Variants in PPP6R3 observed in about 807,000 individuals in gnomAD.
PPP6R3 encodes protein phosphatase 6 regulatory subunit 3.
In PPP6R3, 38 loss-of-function variants were observed where a neutral mutation model predicts 110.7. The observed-to-expected ratio is 0.34, with a 90% CI of 0.26 to 0.45. The LOEUF (loss-of-function observed/expected upper bound fraction) is 0.45, where lower values mean the gene tolerates loss of function less well. Among genes scored for constraint, PPP6R3 ranks in the 20% least tolerant of loss-of-function variants. PPP6R3 has a pLI of 1.00. For missense variants in PPP6R3, 870 were observed against 1,062.4 expected (o/e 0.82, Z 2.52); for synonymous variants, 369 against 373.5 (o/e 0.99, Z 0.14).
intron 3 of PPP6R3, among the ~76,000 whole-genome samples, chr11:68,541,785 G>A (rs1476716704): frequency 6.6e-6 from 1 of 152,058 alleles, no homozygotes; most frequent in South Asian, 2.1e-4. Context: ...GAGAACCTGG[G>A]GGCTGCTACC....
chr11:68,560,894 CTTTTTTTT>C (rs11295490), intron 8 of PPP6R3, among the ~76,000 whole-genome samples: 2 of 117,898 alleles, frequency 1.7e-5, no homozygotes, highest in South Asian at 5.8e-4. Flanking sequence ...TTCCTTATAC[CTTTTTTTT>C]TTTTTTTTTT....
Position 68,591,553 on chromosome 11 carries a change from T to A in PPP6R3, c.1786-23T>A, listed in dbSNP as rs375552120. 1.4e-5 allele frequency: 22 copies of A among 1,564,444 alleles called. No homozygotes were observed. The African/African-American group carries it at 1.6e-4, about 12-fold the overall frequency. ...TTGACTTTAAATTTATTTTGTTGTT[T>A]TTTTCCTCTCATTTTTATTTAGGGA... On this transcript the variant is annotated intron_variant, in intron 17 of 23. Transcript: ENST00000393800.
chr11:68,610,663 GC>G (rs1942943212), intron 23 of PPP6R3, among the ~76,000 whole-genome samples: 1 of 152,182 alleles, frequency 6.6e-6, no homozygotes, highest in African/African-American at 2.4e-5. Flanking sequence ...CGGAGCCCAT[GC>G]CAGGCCCTTA....
In PPP6R3 at chr11:68,552,548, G is replaced by A. The variant is rs190960786; in HGVS notation, c.618+1362G>A. Among the ~76,000 whole-genome samples the A allele has an allele frequency of 8.1e-3, 1,230 of 152,294 alleles. 16 individuals carry two copies. Among genetic ancestry groups the A allele is most frequent in the African/African-American group, 0.028 (1,167 of 41,548 alleles). ...ACACATCCAGTGCAGACATGGATTG[G>A]GAATGTGGGAGCCCCTGCTTAGAAG... On this transcript the variant is annotated intron_variant, in intron 6 of 23. Transcript: ENST00000393800.
intron 1 of PPP6R3, among the ~76,000 whole-genome samples, chr11:68,477,741 A>AAAATATATATATATATATATAT: frequency 5.2e-5 from 3 of 57,902 alleles, no homozygotes; most frequent in South Asian, 6.0e-4. Context: ...AAAAAAAAAA[A>AAAATATATATATATATATATAT]ATATATATAT....
At position 68,468,193 on chromosome 11, in the gene PPP6R3, A is replaced by G. The variant is rs191214708; in HGVS notation, c.-158+7366A>G. Among the ~76,000 whole-genome samples the G allele has an allele frequency of 1.1e-4, 17 of 152,338 alleles. No homozygotes were observed. The East Asian group carries it at 2.3e-3, about 21-fold the overall frequency. On this transcript the variant is annotated intron_variant, in intron 1 of 23. Coordinates refer to ENST00000393800, the MANE Select transcript of PPP6R3 (RefSeq NM_001164161.2). ...GTTCCAGACCACAGTTTTAAGTGCT[A>G]TTTGTTTCAAGAGTGACATCACAGC...
At chr11:68,581,129 T>C (rs189094989) in intron 14 of PPP6R3, among the ~76,000 whole-genome samples, 95 of 152,318 alleles carry the variant, frequency 6.2e-4, no homozygotes, top group African/African-American at 2.2e-3. Flanking sequence ...ATGGTGTAGG[T>C]AGAATCAGAC....
chr11:68,573,917 C>T (rs1157843067), intron 12 of PPP6R3, among the ~76,000 whole-genome samples, 192 bp from the exon 13 acceptor site: 1 of 152,218 alleles, frequency 6.6e-6, no homozygotes, highest in African/African-American at 2.4e-5. Context: ...TCACACCCCT[C>T]CCTGACCATG....
In PPP6R3 at chr11:68,528,997, G is replaced by A. The variant is rs1457127230; in HGVS notation, c.-6-8662G>A. 1.2e-4 allele frequency among the ~76,000 whole-genome samples: 18 copies of A among 152,132 alleles called. No homozygotes were observed. In the South Asian group the frequency reaches 2.9e-3, roughly 25 times the overall value. On this transcript the variant is annotated intron_variant, in intron 2 of 23. Coordinates refer to ENST00000393800, the MANE Select transcript of PPP6R3 (RefSeq NM_001164161.2). ...TGCTTATAAACTCGGCCAGAGGTTC[G>A]GTGTAAACACGTCTGCCGCTTATGG...
Position 68,593,379 on chromosome 11 carries a change from A to T in PPP6R3, c.1916+1673A>T, listed in dbSNP as rs59010692. On this transcript the variant is annotated intron_variant, in intron 18 of 23. Transcript: ENST00000393800. ...CATTTCTATTTTTGTGGGGTTGGGC[A>T]GGGGCTGGGTAGTATTCCATTAAGA... Among the ~76,000 whole-genome samples the T allele has an allele frequency of 9.1e-3, 1,383 of 152,278 alleles. 19 individuals are homozygous for T. Among genetic ancestry groups the T allele is most frequent in the African/African-American group, 0.032 (1,326 of 41,542 alleles).
chr11:68,564,494 ATGTGT>A, intron 9 of PPP6R3, 62 bp downstream of exon 9: 7 of 1,573,542 alleles, frequency 4.4e-6, no homozygotes, highest in Non-Finnish European at 6.1e-6. Context: ...AGTCATTCGA[ATGTGT>A]ACGGGCCTTA....
chr11:68,571,309 C>T, intron 12 of PPP6R3: 1 of 690,866 alleles, frequency 1.4e-6, no homozygotes. Context: ...GTTTTTGGGG[C>T]AAAACAAGTG....
chr11:68,603,041 T>A (rs2099636439), intron 21 of PPP6R3, among the ~76,000 whole-genome samples: 1 of 151,896 alleles, frequency 6.6e-6, no homozygotes. Flanking sequence ...ACTGGAACAG[T>A]TAGGAGCACA....
chr11:68,497,506 C>T (rs2099024769), intron 1 of PPP6R3, among the ~76,000 whole-genome samples: 1 of 152,110 alleles, frequency 6.6e-6, no homozygotes, highest in African/African-American at 2.4e-5. Context: ...ACGTATGCTA[C>T]CACGCCTGAC....
In PPP6R3 at chr11:68,554,333, A is replaced by G. The variant is rs1426305301; in HGVS notation, c.731+76A>G. 2.6e-6 allele frequency: 3 copies of G among 1,166,176 alleles called. No individual in the cohort carries two copies. In the East Asian group the frequency reaches 7.7e-5, roughly 30 times the overall value. The allele number at this position is 1,166,176 out of a possible 1,614,324, so 72.2% of individuals were successfully genotyped here. On this transcript the variant is annotated intron_variant, in intron 7 of 23. Coordinates refer to ENST00000393800, the MANE Select transcript of PPP6R3 (RefSeq NM_001164161.2). ...TGTGTTACCATTGTGAGTGATTGGT[A>G]AGTGTTCCTTATGTGGGAATCATGT...
chr11:68,519,851 A>G (rs1023236766), intron 2 of PPP6R3, among the ~76,000 whole-genome samples, 200 bp downstream of exon 2: 1 of 152,138 alleles, frequency 6.6e-6, no homozygotes, highest in Non-Finnish European at 1.5e-5. Context: ...GTATATCTTA[A>G]ATCTGCAGAA....
intron 1 of PPP6R3, among the ~76,000 whole-genome samples, chr11:68,461,350 CT>C (rs1177813987): frequency 6.6e-6 from 1 of 152,086 alleles, no homozygotes; most frequent in African/African-American, 2.4e-5. Context: ...TTGTGGGTTT[CT>C]GTTAATTCGC....
chr11:68,476,191 G>T (rs1035996933), intron 1 of PPP6R3, among the ~76,000 whole-genome samples: 79 of 152,354 alleles, frequency 5.2e-4, no homozygotes, highest in Non-Finnish European at 8.7e-4. Context: ...CTGAGAGAAC[G>T]AGATTCCGTC....
At chr11:68,591,843 G>T (rs1452424047) in intron 18 of PPP6R3, 137 bp downstream of exon 18, 3 of 1,104,150 alleles carry the variant, frequency 2.7e-6, no homozygotes, top group Non-Finnish European at 3.7e-6. Flanking sequence ...GGCCAGAAAT[G>T]CCCTTGTTGG....
Sources: allele counts gnomAD v4.1 joint callset (sites outside exome capture counted in the v4.1 genomes callset), GRCh38; gene constraint gnomAD v4.1.1; transcripts MANE v1.5; gene names NCBI Gene and HGNC (gene_info 2026-07-23, HGNC 2026-07-21).